Variants in GALNTL6 observed in about 807,000 individuals in gnomAD.
GALNTL6 encodes polypeptide N-acetylgalactosaminyltransferase like 6, also known as polypeptide N-acetylgalactosaminyltransferase-like 6.
In GALNTL6, 46 loss-of-function variants were observed where a neutral mutation model predicts 73.7. The ratio of observed to expected loss-of-function variants is 0.62; its 90% CI spans 0.49 to 0.80. GALNTL6 has a LOEUF of 0.80. GALNTL6 is among the 30% of genes least tolerant of loss of function. GALNTL6 has a pLI of 0.00. For missense variants in GALNTL6, 604 were observed against 755.0 expected, an observed-to-expected ratio of 0.80 and a Z score of 2.34; for synonymous variants, 259 against 263.7, an observed-to-expected ratio of 0.98 and a Z score of 0.17.
chr4:172,687,556 A>C (rs1732995342), intron 5 of GALNTL6, among the ~76,000 whole-genome samples: 1 of 147,110 alleles, frequency 6.8e-6, no homozygotes, highest in Non-Finnish European at 1.5e-5. Context: ...TGAACCCGGG[A>C]GGCAGAGGTT....
intron 2 of GALNTL6, among the ~76,000 whole-genome samples, chr4:172,021,164 G>C (rs1347107661): frequency 6.6e-6 from 1 of 151,928 alleles, no homozygotes; most frequent in African/African-American, 2.4e-5. Flanking sequence ...TGACAGAACT[G>C]CAGCTAGTGT....
At position 172,774,360 on chromosome 4, in the gene GALNTL6, G is replaced by T. The variant is rs577854414; in HGVS notation, c.554-35001G>T. On this transcript the variant is annotated intron_variant, in intron 5 of 12. Coordinates refer to ENST00000506823, the MANE Select transcript of GALNTL6 (RefSeq NM_001034845.3). ...TTAATACTATCCCTTTGATTGGGGG[G>T]TGCAAAAATGATTTGGGGTTAGATT... Among the ~76,000 whole-genome samples the T allele has an allele frequency of 1.4e-4, 21 of 152,252 alleles. No individual in the cohort carries two copies. In the South Asian group the frequency reaches 3.7e-3, roughly 27 times the overall value.
Position 171,954,408 on chromosome 4 carries a change from T to G in GALNTL6, c.138+139690T>G, listed in dbSNP as rs557503026. Among the ~76,000 whole-genome samples, 23 of 152,310 alleles carry G rather than the reference T, an allele frequency of 1.5e-4. No individual in the cohort carries two copies. The East Asian group carries it at 4.2e-3, about 28-fold the overall frequency. ...TAGCTTGTGTTGTATAGTTATACAATGAACAATTATGTAGCAATAAAAGTA... is the reference window on the plus strand; with the variant it reads ...TAGCTTGTGTTGTATAGTTATACAAGGAACAATTATGTAGCAATAAAAGTA... On this transcript the variant is annotated intron_variant, in intron 2 of 12. Coordinates refer to ENST00000506823, the MANE Select transcript of GALNTL6 (RefSeq NM_001034845.3).
chr4:172,229,547 C>T, intron 2 of GALNTL6, 109 bp from the exon 3 acceptor site: 1 of 638,948 alleles, frequency 1.6e-6, no homozygotes, highest in African/African-American at 1.8e-5. Context: ...AGAAGATTCA[C>T]TTATTTAACA....
chr4:172,658,772 T>G (rs907937578), intron 5 of GALNTL6, among the ~76,000 whole-genome samples: 4 of 152,202 alleles, frequency 2.6e-5, no homozygotes, highest in Non-Finnish European at 5.9e-5. Flanking sequence ...ATCATGTTGG[T>G]AATGACAGAC....
intron 11 of GALNTL6, among the ~76,000 whole-genome samples, chr4:173,015,084 G>A (rs1197904618): frequency 2.0e-5 from 3 of 152,134 alleles, no homozygotes; most frequent in Admixed American, 1.3e-4. Flanking sequence ...CCTTGCTGCC[G>A]CCATGTGACG....
At chr4:172,334,487 A>T (rs1262775640) in intron 4 of GALNTL6, among the ~76,000 whole-genome samples, 1 of 152,118 alleles carries the variant, frequency 6.6e-6, no homozygotes, top group Admixed American at 6.5e-5. Flanking sequence ...TATTCTTAGC[A>T]TCTTTTTTAC....
At chr4:172,292,136 G>A (rs1055327956) in intron 3 of GALNTL6, among the ~76,000 whole-genome samples, 2 of 151,914 alleles carry the variant, frequency 1.3e-5, no homozygotes, top group African/African-American at 2.4e-5. Context: ...AGTTTCTAAT[G>A]GGCACAGTGT....
In GALNTL6 at chr4:171,853,012, A is replaced by ATTCT. The variant is rs1553964539; in HGVS notation, c.138+38296_138+38297insCTTT. On this transcript the variant is annotated intron_variant, in intron 2 of 12. Coordinates refer to ENST00000506823, the MANE Select transcript of GALNTL6 (RefSeq NM_001034845.3). ...CAGGCGCCGCCACCACGCCCGGCTA[A>ATTCT]TTTTTTTTTTTTTTTTTTTTTTTTG... Among the ~76,000 whole-genome samples the ATTCT allele has an allele frequency of 5.7e-3, 492 of 86,828 alleles. 3 individuals carry two copies. The highest frequency in any genetic ancestry group is 0.012 in the South Asian group (24 of 1,978). 57.0% of individuals were successfully genotyped at this position (86,828 alleles called of 152,430 possible).
intron 10 of GALNTL6, among the ~76,000 whole-genome samples, chr4:172,962,215 G>A (rs1750091582): frequency 6.6e-6 from 1 of 152,136 alleles, no homozygotes; most frequent in Non-Finnish European, 1.5e-5. Flanking sequence ...TTCTTTTGTG[G>A]TGGAATGTCA....
At chr4:171,840,404 CT>C (rs1735208143) in intron 2 of GALNTL6, among the ~76,000 whole-genome samples, 1 of 136,056 alleles carries the variant, frequency 7.3e-6, no homozygotes, top group Admixed American at 7.4e-5. Context: ...ACCGTGGGCA[CT>C]TGTGTTACTC....
chr4:172,977,436 G>T (rs1400099606), intron 10 of GALNTL6, among the ~76,000 whole-genome samples: 3 of 152,206 alleles, frequency 2.0e-5, no homozygotes, highest in Admixed American at 6.5e-5. Context: ...GTGGATCATT[G>T]TGGAGTTTTG....
chr4:172,224,017 T>G (rs1174626233), intron 2 of GALNTL6, among the ~76,000 whole-genome samples: 1 of 152,140 alleles, frequency 6.6e-6, no homozygotes, highest in East Asian at 1.9e-4. Context: ...TAACAGAGTT[T>G]CAACCACATA....
chr4:172,041,571 G>C (rs1482294049), intron 2 of GALNTL6, among the ~76,000 whole-genome samples: 1 of 152,036 alleles, frequency 6.6e-6, no homozygotes, highest in Non-Finnish European at 1.5e-5. Context: ...TAGGCAAAAT[G>C]ACAGAGCATC....
chr4:172,072,056 C>A (rs975232645), intron 2 of GALNTL6, among the ~76,000 whole-genome samples: 2 of 152,102 alleles, frequency 1.3e-5, no homozygotes, highest in African/African-American at 4.8e-5. Flanking sequence ...GGCTCCCGGG[C>A]TCTTTATTGT....
chr4:172,344,253 C>A (rs1741665746), intron 4 of GALNTL6, among the ~76,000 whole-genome samples: 1 of 152,140 alleles, frequency 6.6e-6, no homozygotes. Context: ...TATGCAGGTG[C>A]AGAGCCTAAA....
intron 5 of GALNTL6, among the ~76,000 whole-genome samples, chr4:172,615,408 G>A (rs1258802515): frequency 6.6e-6 from 1 of 151,958 alleles, no homozygotes; most frequent in African/African-American, 2.4e-5. Context: ...AGACAGGCTG[G>A]GATAATACAC....
At chr4:172,672,441 G>A (rs1732042394) in intron 5 of GALNTL6, among the ~76,000 whole-genome samples, 1 of 152,150 alleles carries the variant, frequency 6.6e-6, no homozygotes, top group Non-Finnish European at 1.5e-5. Context: ...TTTTTGCATT[G>A]ATGTTCATCA....
intron 3 of GALNTL6, among the ~76,000 whole-genome samples, chr4:172,300,299 A>G (rs1739861422): frequency 6.6e-6 from 1 of 152,140 alleles, no homozygotes; most frequent in South Asian, 2.1e-4. Context: ...AATACAGCAC[A>G]CTGATGAGTC....
Sources: gnomAD v4.1 joint callset for allele counts (sites outside exome capture counted in the v4.1 genomes callset) on GRCh38, gnomAD v4.1.1 for gene constraint, MANE v1.5 for transcripts, NCBI Gene and HGNC (gene_info 2026-07-23, HGNC 2026-07-21) for gene names.